ANKRD55: variants seen among roughly 807,000 people sequenced by gnomAD.
The protein encoded by ANKRD55 is ankyrin repeat domain-containing protein 55.
A neutral mutation model predicts 60.6 loss-of-function variants in ANKRD55; 41 were observed. The observed-to-expected ratio is 0.68, with a 90% CI of 0.53 to 0.88. ANKRD55 has a LOEUF of 0.88. ANKRD55 is among the 40% of genes least tolerant of loss of function. The pLI, the probability that ANKRD55 is intolerant of heterozygous loss-of-function variation, is 0.00. For synonymous variants in ANKRD55, 264 were observed against 290.3 expected (o/e 0.91, Z 0.92); for missense variants, 732 against 767.6 (o/e 0.95, Z 0.55).
intron 8 of ANKRD55, among the ~76,000 whole-genome samples, chr5:56,121,903 C>A (rs778312244): frequency 1.3e-5 from 2 of 152,106 alleles, no homozygotes; most frequent in Non-Finnish European, 2.9e-5. Context: ...TTCCACTATT[C>A]ATTTAAAGAG....
chr5:56,179,782 T>C (rs939146638), intron 3 of ANKRD55, among the ~76,000 whole-genome samples: 1 of 152,192 alleles, frequency 6.6e-6, no homozygotes. Flanking sequence ...TCGAGACTCA[T>C]TGTCTTGTCC....
chr5:56,221,202 C>T (rs1464603215), intron 2 of ANKRD55, among the ~76,000 whole-genome samples: 2 of 152,198 alleles, frequency 1.3e-5, no homozygotes, highest in Non-Finnish European at 2.9e-5. Context: ...TCAGAGGACT[C>T]CTTTGTTTGA....
intron 2 of ANKRD55, among the ~76,000 whole-genome samples, chr5:56,224,252 A>G (rs1760047948): frequency 2.6e-5 from 4 of 151,642 alleles, no homozygotes; most frequent in Admixed American, 6.6e-5. Flanking sequence ...GTACATAATG[A>G]AATGAAGGCA....
intron 2 of ANKRD55, among the ~76,000 whole-genome samples, chr5:56,199,152 C>CTT (rs979427827): frequency 2.6e-5 from 4 of 152,068 alleles, no homozygotes; most frequent in Non-Finnish European, 5.9e-5. Context: ...GAAATAAAAA[C>CTT]TTTAACAAAG....
At chr5:56,137,353 GC>G in intron 7 of ANKRD55, 1 of 1,362,070 alleles carries the variant, frequency 7.3e-7, no homozygotes, top group Non-Finnish European at 1.0e-6. Flanking sequence ...CCTAAGATGT[GC>G]CCCTGGACCT....
At chr5:56,209,466 CTTTTT>C (rs60256412) in intron 2 of ANKRD55, among the ~76,000 whole-genome samples, 1 of 132,324 alleles carries the variant, frequency 7.6e-6, no homozygotes, top group Admixed American at 7.3e-5. Flanking sequence ...ACATGTATAT[CTTTTT>C]TTTTTTTTTT....
At chr5:56,128,255 A>G (rs1361136269) in intron 7 of ANKRD55, among the ~76,000 whole-genome samples, 1 of 152,180 alleles carries the variant, frequency 6.6e-6, no homozygotes, top group Non-Finnish European at 1.5e-5. Flanking sequence ...TCAAAGGCCA[A>G]AACACCCTGT....
intron 2 of ANKRD55, among the ~76,000 whole-genome samples, chr5:56,192,187 A>G (rs979484789): frequency 2.6e-5 from 4 of 152,124 alleles, no homozygotes; most frequent in African/African-American, 7.2e-5. Flanking sequence ...CATGAGGAGC[A>G]TGTTTTGAAT....
At chr5:56,226,398 A>T (rs960281354) in intron 2 of ANKRD55, among the ~76,000 whole-genome samples, 29 of 152,208 alleles carry the variant, frequency 1.9e-4, no homozygotes, top group African/African-American at 6.5e-4. Flanking sequence ...AACCTAGGCA[A>T]TACCATTCAG....
At chr5:56,229,752 G>T (rs928183012) in intron 2 of ANKRD55, among the ~76,000 whole-genome samples, 3 of 152,180 alleles carry the variant, frequency 2.0e-5, no homozygotes, top group African/African-American at 7.2e-5. Flanking sequence ...ACCATTCTCT[G>T]GGCAGCCATG....
At chr5:56,231,653 G>GCACA (rs34225686) in intron 2 of ANKRD55, among the ~76,000 whole-genome samples, 32 of 148,084 alleles carry the variant, frequency 2.2e-4, no homozygotes, top group Admixed American at 1.0e-3. Context: ...CTGAAGGCGC[G>GCACA]CACACACACA....
chr5:56,137,826 A>C (rs1319151445), intron 7 of ANKRD55, among the ~76,000 whole-genome samples: 1 of 152,236 alleles, frequency 6.6e-6, no homozygotes, highest in East Asian at 1.9e-4. Context: ...CTAAAACTCA[A>C]CAGTAAGAAA....
rs566027959 is a variant in ANKRD55 at position 56,105,852 on chromosome 5, C to G, written c.1631-3266G>C. ...CTAGAAAATTCTAGAGAAGGAAGCTCTCTTTTGCAGGAGAAAGGAAATGCA... is the reference window on the plus strand; with the variant it reads ...CTAGAAAATTCTAGAGAAGGAAGCTGTCTTTTGCAGGAGAAAGGAAATGCA... On this transcript the variant is annotated intron_variant, in intron 10 of 11. Coordinates refer to ENST00000341048, the MANE Select transcript of ANKRD55 (RefSeq NM_024669.3). 3.3e-5 allele frequency among the ~76,000 whole-genome samples: 5 copies of G among 152,330 alleles called. No individual in the cohort carries two copies. In the East Asian group the frequency reaches 7.7e-4, roughly 23 times the overall value.
In ANKRD55 at chr5:56,149,565, T is replaced by C. The variant is rs145854674; in HGVS notation, c.484-5636A>G. Among the ~76,000 whole-genome samples the C allele has an allele frequency of 6.8e-4, 103 of 152,324 alleles. 1 individual carries two copies. In the East Asian group the frequency reaches 0.017, roughly 25 times the overall value. On this transcript the variant is annotated intron_variant, in intron 6 of 11. Transcript: ENST00000341048. ...CAAAAAAAGAACATCTACATTCTTC[T>C]GCACTAAACTGTGAACTCCATCATA...
chr5:56,176,132 T>C lies in ANKRD55; in HGVS notation c.312+20A>G. The C allele has an allele frequency of 1.9e-6, 3 of 1,614,048 alleles. No individual in the cohort carries two copies. The highest frequency in any genetic ancestry group is 2.5e-6 in the Non-Finnish European group (3 of 1,179,922). On this transcript the variant is annotated intron_variant, in intron 4 of 11. Transcript: ENST00000341048. ...CGCCTACCCTGCTCCTTCCACCCTG[T>C]GACAGGCACAAGTCAGTACCAGGTA...
chr5:56,156,409 T>C (rs1173621260), intron 6 of ANKRD55, among the ~76,000 whole-genome samples: 2 of 152,214 alleles, frequency 1.3e-5, no homozygotes, highest in East Asian at 3.8e-4. Flanking sequence ...TTACCACTCT[T>C]AGAAAGATCC....
chr5:56,112,768 C>T (rs75994673), intron 9 of ANKRD55, among the ~76,000 whole-genome samples: 4,900 of 152,238 alleles, frequency 0.032, 135 homozygotes, highest in Admixed American at 0.055. Flanking sequence ...TATGAATTAA[C>T]GATGAAACCT....
At chr5:56,220,231 C>T (rs1168451939) in intron 2 of ANKRD55, among the ~76,000 whole-genome samples, 2 of 152,242 alleles carry the variant, frequency 1.3e-5, no homozygotes, top group East Asian at 3.8e-4. Flanking sequence ...GTGAAGAATA[C>T]TGATGGCTGT....
intron 5 of ANKRD55, 102 bp from the exon 6 acceptor site, chr5:56,159,995 G>T: frequency 1.1e-6 from 1 of 943,506 alleles, no homozygotes; most frequent in South Asian, 1.4e-5. Flanking sequence ...TCAGTTGAAA[G>T]ACTCCAAATG....
Sources: gnomAD v4.1 joint callset for allele counts (sites outside exome capture counted in the v4.1 genomes callset) on GRCh38, gnomAD v4.1.1 for gene constraint, MANE v1.5 for transcripts, NCBI Gene and HGNC (gene_info 2026-07-23, HGNC 2026-07-21) for gene names.